Variants in SPATS2L observed in about 807,000 individuals in gnomAD.
The protein encoded by SPATS2L is spermatogenesis associated serine rich 2 like, also known as SPATS2-like protein.
SPATS2L carries 30 observed loss-of-function variants against 59.6 expected under a neutral mutation model. The observed-to-expected ratio is 0.50, with a 90% CI of 0.38 to 0.68. SPATS2L has a LOEUF of 0.68. Among genes scored for constraint, SPATS2L ranks in the 30% least tolerant of loss-of-function variants. The probability of loss-of-function intolerance (pLI) is 0.00; values close to 1 mark genes in which losing one functional copy is unlikely to be tolerated. For synonymous variants in SPATS2L, 252 were observed against 263.5 expected (o/e 0.96, Z 0.42); for missense variants, 615 against 700.0 (o/e 0.88, Z 1.37).
chr2:200,441,593 C>G (rs967476675), intron 8 of SPATS2L, among the ~76,000 whole-genome samples: 1 of 152,140 alleles, frequency 6.6e-6, no homozygotes, highest in African/African-American at 2.4e-5. Flanking sequence ...CTTCCTCTCT[C>G]CTGGTGTCTC....
intron 1 of SPATS2L, 113 bp from the exon 2 acceptor site, chr2:200,329,318 C>T (rs1017942673): frequency 4.6e-6 from 4 of 869,814 alleles, no homozygotes; most frequent in Admixed American, 2.1e-5. Context: ...AGGACGAATT[C>T]CCTGTCTTCT....
intron 3 of SPATS2L, among the ~76,000 whole-genome samples, chr2:200,396,011 G>GGAAAAAAAAA (rs1466614581): frequency 9.4e-5 from 1 of 10,590 alleles, no homozygotes; most frequent in Non-Finnish European, 1.3e-4. Context: ...ACTCGATCTG[G>GGAAAAAAAAA]AAAAAAAAAA....
chr2:200,407,349 C>G (rs2082722515), intron 3 of SPATS2L, among the ~76,000 whole-genome samples: 1 of 152,182 alleles, frequency 6.6e-6, no homozygotes, highest in Non-Finnish European at 1.5e-5. Context: ...ACATTTGGCT[C>G]TCTATAAAGT....
chr2:200,426,447 G>C (rs1393242687), intron 6 of SPATS2L, among the ~76,000 whole-genome samples: 1 of 152,162 alleles, frequency 6.6e-6, no homozygotes, highest in Non-Finnish European at 1.5e-5. Flanking sequence ...TTTATATTTT[G>C]GTCAGGCACA....
chr2:200,388,596 A>T (rs2082068888), intron 2 of SPATS2L, among the ~76,000 whole-genome samples: 1 of 88,870 alleles, frequency 1.1e-5, no homozygotes, highest in Non-Finnish European at 2.2e-5. Context: ...AAGCTCAAAA[A>T]AAAAGGTTTT....
chr2:200,333,810 T>C (rs2080042790), intron 2 of SPATS2L, among the ~76,000 whole-genome samples: 1 of 152,204 alleles, frequency 6.6e-6, no homozygotes, highest in African/African-American at 2.4e-5. Flanking sequence ...GCTTCATCCA[T>C]GTCCCTACAA....
intron 2 of SPATS2L, among the ~76,000 whole-genome samples, chr2:200,362,558 A>G (rs2081142042): frequency 6.6e-6 from 1 of 152,180 alleles, no homozygotes; most frequent in African/African-American, 2.4e-5. Context: ...AGTTTTGCAT[A>G]TTACTTCCAT....
intron 2 of SPATS2L, among the ~76,000 whole-genome samples, chr2:200,387,713 T>C (rs570809689): frequency 6.6e-6 from 1 of 152,294 alleles, no homozygotes; most frequent in African/African-American, 2.4e-5. Context: ...AGAAAAGGAA[T>C]ATAAGAAAGT....
intron 2 of SPATS2L, among the ~76,000 whole-genome samples, chr2:200,360,127 A>G (rs1311794637): frequency 3.9e-5 from 6 of 152,238 alleles, no homozygotes; most frequent in Non-Finnish European, 7.3e-5. Context: ...AAGCACTACA[A>G]CTATGGGGTG....
intron 4 of SPATS2L, among the ~76,000 whole-genome samples, chr2:200,415,850 T>C (rs2083035465): frequency 6.6e-6 from 1 of 152,142 alleles, no homozygotes; most frequent in South Asian, 2.1e-4. Flanking sequence ...ATCCCATCTC[T>C]ATCCATGCTA....
intron 6 of SPATS2L, among the ~76,000 whole-genome samples, chr2:200,438,413 A>G (rs937975476): frequency 6.6e-6 from 1 of 152,204 alleles, no homozygotes; most frequent in Non-Finnish European, 1.5e-5. Flanking sequence ...GGCCACTAAC[A>G]TGCTATTTAA....
intron 8 of SPATS2L, among the ~76,000 whole-genome samples, chr2:200,454,734 T>C (rs1464227361): frequency 6.6e-6 from 1 of 152,200 alleles, no homozygotes. Context: ...AGGGCACATC[T>C]GAAACATGTG....
intron 2 of SPATS2L, among the ~76,000 whole-genome samples, chr2:200,387,575 T>C (rs2082030385): frequency 6.6e-6 from 1 of 152,218 alleles, no homozygotes; most frequent in Non-Finnish European, 1.5e-5. Context: ...CAATAGATAA[T>C]GGATCTGAAT....
At chr2:200,418,639 C>T (rs1380681508) in intron 5 of SPATS2L, among the ~76,000 whole-genome samples, 3 of 151,182 alleles carry the variant, frequency 2.0e-5, no homozygotes, top group Non-Finnish European at 4.4e-5. Context: ...GATTATGGAT[C>T]CTGTGGCTAC....
rs145241000 is a variant in SPATS2L at position 200,381,790 on chromosome 2, G to A, written c.-22-7433G>A. ...CCCTCTGAGGCAGCCATGAGAAAAT[G>A]TCTTAGGATCTACGTGATCATAGTG... On this transcript the variant is annotated intron_variant, in intron 2 of 12. Coordinates refer to ENST00000409140, the MANE Select transcript of SPATS2L (RefSeq NM_001100423.2). Among the ~76,000 whole-genome samples, 452 of 152,258 alleles carry A rather than the reference G, an allele frequency of 3.0e-3. 2 individuals are homozygous for A. Among genetic ancestry groups the A allele is most frequent in the African/African-American group, 0.01 (416 of 41,552 alleles).
chr2:200,436,417 G>A (rs1165949920), intron 6 of SPATS2L, among the ~76,000 whole-genome samples: 2 of 152,120 alleles, frequency 1.3e-5, no homozygotes, highest in Non-Finnish European at 2.9e-5. Flanking sequence ...ATGCATATAT[G>A]CAAATATGTA....
intron 2 of SPATS2L, among the ~76,000 whole-genome samples, chr2:200,335,400 A>T (rs535633800): frequency 6.6e-6 from 1 of 151,842 alleles, no homozygotes; most frequent in African/African-American, 2.4e-5. Context: ...AAAGAAAAAA[A>T]AAAGAAGATA....
chr2:200,387,387 C>T (rs1306534650), intron 2 of SPATS2L, among the ~76,000 whole-genome samples: 1 of 152,208 alleles, frequency 6.6e-6, no homozygotes. Context: ...TGCAGGGTCT[C>T]TCCTGCTAGC....
rs2083187850 is a variant in SPATS2L at position 200,418,918 on chromosome 2, T to G, written c.199-332T>G. On this transcript the variant is annotated intron_variant, in intron 5 of 12. Transcript: ENST00000409140. ...GGCAGGATAACTGAAATCAAATTTT[T>G]TCAGGATGGTTATCACCAGATTTTA... Among the ~76,000 whole-genome samples the G allele has an allele frequency of 2.6e-5, 4 of 152,326 alleles. No homozygotes were observed. In the South Asian group the frequency reaches 8.3e-4, roughly 32 times the overall value.
Sources: allele counts gnomAD v4.1 joint callset (sites outside exome capture counted in the v4.1 genomes callset), GRCh38; gene constraint gnomAD v4.1.1; transcripts MANE v1.5; gene names NCBI Gene and HGNC (gene_info 2026-07-23, HGNC 2026-07-21).